The following ABCA13 variants were observed in gnomAD, a reference collection of about 807,000 sequenced individuals.
The protein encoded by ABCA13 is ATP-binding cassette sub-family A member 13.
A neutral mutation model predicts 478.7 loss-of-function variants in ABCA13; 476 were observed. That is an observed-to-expected ratio of 0.99 (90% CI 0.92 to 1.07). The LOEUF is 1.07. Ranked by LOEUF, ABCA13 falls within the 50% of genes least tolerant of loss-of-function variation. The pLI is 0.00. For synonymous variants in ABCA13, 2,252 were observed against 2,158.9 expected (o/e 1.04, Z -1.20); for missense variants, 6,060 against 5,910.6 (o/e 1.03, Z -0.83).
intron 29 of ABCA13, among the ~76,000 whole-genome samples, chr7:48,347,167 G>A (rs2128972788): frequency 6.6e-6 from 1 of 152,250 alleles, no homozygotes; most frequent in East Asian, 1.9e-4. Context: ...GTACTAGGTG[G>A]TGTTCCAGGG....
intron 37 of ABCA13, among the ~76,000 whole-genome samples, chr7:48,391,114 G>A (rs959133421): frequency 5.3e-5 from 8 of 152,182 alleles, no homozygotes; most frequent in Non-Finnish European, 1.2e-4. Flanking sequence ...GCTTGTGGTG[G>A]CAGGCTGCTT....
At position 48,198,335 on chromosome 7, in the gene ABCA13, G is replaced by A. The variant is rs572494260; in HGVS notation, c.262G>A (p.Glu88Lys). ...TGSRCRNFSY[E>K]GSMEHHFRLS... is the part of the protein sequence containing the mutation. ...ATCAAGGTGTAGGAACTTCAGCTAT[G>A]AAGGGTCAATGGAGCATCATTTTCG... The change falls in exon 3 of 62, where the codon GAA (glutamate) becomes AAA (lysine). Residue 88 changes from glutamate (E) to lysine (K), a missense_variant. Transcript: ENST00000435803. 1 of 1,613,792 alleles carries A rather than the reference G, an allele frequency of 6.2e-7. No individual in the cohort carries two copies. Among genetic ancestry groups the A allele is most frequent in the Admixed American group, 1.7e-5 (1 of 60,002 alleles).
chr7:48,272,435 C>T lies in ABCA13; in HGVS notation c.2769C>T (p.Ile923=). The change falls in exon 17 of 62, where the codon ATC becomes ATT. Residue 923 remains isoleucine, a synonymous_variant. Coordinates refer to ENST00000435803, the MANE Select transcript of ABCA13 (RefSeq NM_152701.5). ...AAGCTCTGAACACAGTCTACGCTATCAGGAATGCATCTGATCTTTTCTCAG... is the reference window on the plus strand; with the variant it reads ...AAGCTCTGAACACAGTCTACGCTATTAGGAATGCATCTGATCTTTTCTCAG... ...ISEALNTVYA[I]RNASDLFSAL... is the part of the protein sequence containing the mutation. 5.6e-6 allele frequency: 9 copies of T among 1,613,752 alleles called. No individual in the cohort carries two copies. Among genetic ancestry groups the T allele is most frequent in the Non-Finnish European group, 7.6e-6 (9 of 1,179,750 alleles).
At chr7:48,267,143 G>A (rs1794974474) in intron 15 of ABCA13, among the ~76,000 whole-genome samples, 1 of 152,056 alleles carries the variant, frequency 6.6e-6, no homozygotes, top group Non-Finnish European at 1.5e-5. Flanking sequence ...AGAAGAATAT[G>A]TATTATGTTG....
intron 50 of ABCA13, among the ~76,000 whole-genome samples, chr7:48,510,758 A>G (rs1179785321): frequency 2.6e-5 from 4 of 152,106 alleles, no homozygotes; most frequent in African/African-American, 9.7e-5. Context: ...GAGTGACTGC[A>G]TCCTGATCTC....
Position 48,227,405 on chromosome 7 carries a change from C to T in ABCA13, c.612C>T (p.Asn204=). ...AAGATGGCATGGATGTTGCAGTGAA[C>T]CTTCTCCAGACCATTTTGAAGTGAG... ...HVEDGMDVAV[N]LLQTILNSLI... Residue 204 remains asparagine, a synonymous_variant, in exon 6 of 62, where the codon AAC becomes AAT. Transcript: ENST00000435803. 1 of 1,613,912 alleles carries T rather than the reference C, an allele frequency of 6.2e-7. No individual in the cohort carries two copies. The highest frequency in any genetic ancestry group is 1.3e-5 in the African/African-American group (1 of 75,028).
intron 42 of ABCA13, among the ~76,000 whole-genome samples, chr7:48,448,352 T>C (rs1010992845): frequency 6.6e-6 from 1 of 152,238 alleles, no homozygotes; most frequent in African/African-American, 2.4e-5. Flanking sequence ...ATAAGCCCTT[T>C]AGTGATACTG....
chr7:48,296,656 G>T (rs796467530), intron 21 of ABCA13, among the ~76,000 whole-genome samples: 4 of 151,992 alleles, frequency 2.6e-5, no homozygotes, highest in African/African-American at 9.6e-5. Flanking sequence ...TAGAGATGGG[G>T]TTTCACCGTG....
At chr7:48,472,681 TAAAA>T (rs952277825) in intron 45 of ABCA13, among the ~76,000 whole-genome samples, 1 of 151,944 alleles carries the variant, frequency 6.6e-6, no homozygotes, top group African/African-American at 2.4e-5. Flanking sequence ...ATAGTTTTAA[TAAAA>T]AAAGCTAGCA....
chr7:48,466,893 C>A, intron 43 of ABCA13, 63 bp from the exon 44 acceptor site: 1 of 1,514,232 alleles, frequency 6.6e-7, no homozygotes, highest in South Asian at 1.1e-5. Context: ...GCTGGTTCTC[C>A]ATTCTCTGTT....
At chr7:48,441,620 C>T (rs985059072) in intron 42 of ABCA13, among the ~76,000 whole-genome samples, 3 of 152,124 alleles carry the variant, frequency 2.0e-5, no homozygotes, top group Admixed American at 1.3e-4. Flanking sequence ...GTCTCTGCAC[C>T]GCAGAGTGTG....
At chr7:48,461,405 A>G (rs543699068) in intron 43 of ABCA13, among the ~76,000 whole-genome samples, 1 of 152,306 alleles carries the variant, frequency 6.6e-6, no homozygotes, top group South Asian at 2.1e-4. Flanking sequence ...CCTCTCAGTC[A>G]TGGCACAGAA....
chr7:48,530,463 A>G (rs753484317), intron 55 of ABCA13, among the ~76,000 whole-genome samples: 3 of 152,174 alleles, frequency 2.0e-5, no homozygotes, highest in Non-Finnish European at 2.9e-5. Context: ...GTGCGCAAAT[A>G]TCTTTTTCAT....
rs932668248 is a variant in ABCA13 at position 48,216,779 on chromosome 7, A to G, written c.288-2575A>G. On this transcript the variant is annotated intron_variant, in intron 3 of 61. Transcript: ENST00000435803. Reference sequence around the variant, plus strand: ...TTTGTGTATGGTGTGAGGAAGGGATACAACTTCATTCTTTTGCATGTGGAT... The same window carrying G: ...TTTGTGTATGGTGTGAGGAAGGGATGCAACTTCATTCTTTTGCATGTGGAT... 1.3e-5 allele frequency among the ~76,000 whole-genome samples: 2 copies of G among 152,192 alleles called. 1 individual carries two copies. Among genetic ancestry groups the G allele is most frequent in the Non-Finnish European group, 2.9e-5 (2 of 68,022 alleles).
In ABCA13 at chr7:48,524,317, A is replaced by G. The variant is rs61705907; in HGVS notation, c.14121A>G (p.Arg4707=). The G allele has an allele frequency of 0.049, 78,249 of 1,612,842 alleles. 3,068 individuals carry two copies. Among genetic ancestry groups the G allele is most frequent in the African/African-American group, 0.2 (15,173 of 74,936 alleles). The change falls in exon 54 of 62, where the codon AGA becomes AGG. Residue 4707 remains arginine (R), a synonymous_variant. Transcript: ENST00000435803. ...KDTDVEKEEK[R]VFEGRTNGDI... ...CAGATGTTGAAAAAGAGGAAAAGAGAGTGTTTGAAGGAAGGACCAATGGAG... is the reference window on the plus strand; with the variant it reads ...CAGATGTTGAAAAAGAGGAAAAGAGGGTGTTTGAAGGAAGGACCAATGGAG...
rs199809056 is a variant in ABCA13, at chr7:48,278,555, C to T, written c.7361C>T (p.Thr2454Met). The change falls in exon 18 of 62, where the codon ACG becomes ATG. Residue 2454 changes from threonine (T) to methionine (M), a missense_variant. Thr to Met is a moderately conservative substitution (Grantham distance 81). This residue lies in a region of ABCA13 where 4,423 missense variants were observed against 4,309.1 expected (regional missense o/e 1.03). Transcript: ENST00000435803. ...CAAGAAGTTATACTTGCTAATCTAA[C>T]GGATTTGCTTTTCTTTATAAATAAT... Reference protein sequence around the residue: ...TLQEVILANLTDLLFFINNSF... With the variant: ...TLQEVILANLMDLLFFINNSF... The T allele has an allele frequency of 3.6e-4, 589 of 1,613,714 alleles. 3 individuals carry two copies. Among genetic ancestry groups the T allele is most frequent in the Admixed American group, 3.2e-4 (19 of 59,990 alleles).
Position 48,487,339 on chromosome 7 carries a change from A to C in ABCA13, c.13183-1897A>C, listed in dbSNP as rs568326301. Reference sequence around the variant, plus strand: ...AAAAACAAAACAAAACAAAACAAAAAAAACAAACAAACACAAACAGAAGTC... The same window carrying C: ...AAAAACAAAACAAAACAAAACAAAACAAACAAACAAACACAAACAGAAGTC... On this transcript the variant is annotated intron_variant, in intron 47 of 61. Coordinates refer to ENST00000435803, the MANE Select transcript of ABCA13 (RefSeq NM_152701.5). Among the ~76,000 whole-genome samples, 87 of 151,536 alleles carry C rather than the reference A, an allele frequency of 5.7e-4. 1 individual carries two copies. The highest frequency in any genetic ancestry group is 1.1e-3 in the Non-Finnish European group (78 of 67,860).
intron 28 of ABCA13, among the ~76,000 whole-genome samples, chr7:48,337,116 G>T (rs1256718227): frequency 6.6e-6 from 1 of 152,152 alleles, no homozygotes; most frequent in African/African-American, 2.4e-5. Flanking sequence ...GGCGTAAGTT[G>T]TTCCTCTATT....
intron 3 of ABCA13, among the ~76,000 whole-genome samples, chr7:48,210,306 C>A (rs1785468268): frequency 6.6e-6 from 1 of 152,138 alleles, no homozygotes; most frequent in South Asian, 2.1e-4. Flanking sequence ...CATGGGGGAA[C>A]TGCCCCCATG....
Sources: gnomAD v4.1 joint callset for allele counts (sites outside exome capture counted in the v4.1 genomes callset) on GRCh38, gnomAD v4.1.1 for gene constraint, gnomAD v4.1.1 regional missense constraint, MANE v1.5 for transcripts, NCBI Gene and HGNC (gene_info 2026-07-23, HGNC 2026-07-21) for gene names.